Variants in SH2B3 observed in about 807,000 individuals in gnomAD.
The protein encoded by SH2B3 is SH2B adapter protein 3.
In SH2B3, 43 loss-of-function variants were observed where a neutral mutation model predicts 51.9. That is an observed-to-expected ratio of 0.83 (90% CI 0.65 to 1.07). The LOEUF is 1.07. Among genes scored for constraint, SH2B3 ranks in the 50% least tolerant of loss-of-function variants. The pLI is 0.00. For synonymous variants in SH2B3, 396 were observed against 376.0 expected (o/e 1.05, Z -0.62); for missense variants, 952 against 834.3 (o/e 1.14, Z -1.74).
chr12:111,418,096 C>T lies in SH2B3; in HGVS notation c.-27-23C>T. 3 of 1,469,810 alleles carry T rather than the reference C, an allele frequency of 2.0e-6. No individual in the cohort carries two copies. Among genetic ancestry groups the T allele is most frequent in the South Asian group, 2.8e-5 (2 of 71,622 alleles). The allele number at this position is 1,469,810 out of a possible 1,614,324, so 91.0% of individuals were successfully genotyped here. A position where few individuals can be genotyped will look rare whatever the true frequency, so the allele number is the denominator to read the frequency against. ...TGCCCACCTGCTTACTCCTTGTCGC[C>T]CCCCCACCCACGTGTCTTTCAGCCC... is the stretch of plus-strand genomic sequence containing the variant. On this transcript the variant is annotated intron_variant, in intron 1 of 7. Coordinates refer to ENST00000341259, the MANE Select transcript of SH2B3 (RefSeq NM_005475.3). This position sits in a 1 kb window ranked among gnomAD's most constrained non-coding sequence, Gnocchi z 6.7.
chr12:111,431,420 A>G (rs917496628), intron 2 of SH2B3, among the ~76,000 whole-genome samples: 1 of 151,998 alleles, frequency 6.6e-6, no homozygotes, highest in African/African-American at 2.4e-5. Context: ...GAGGGCCTCC[A>G]TGTCTGAGTT....
rs1474104674 is a variant in SH2B3 at position 111,429,183 on chromosome 12, C to T, written c.732+10306C>T. Among the ~76,000 whole-genome samples, 1 of 152,170 alleles carries T rather than the reference C, an allele frequency of 6.6e-6. No individual in the cohort carries two copies. The highest frequency in any genetic ancestry group is 1.5e-5 in the Non-Finnish European group (1 of 68,010). On this transcript the variant is annotated intron_variant, in intron 2 of 7. Transcript: ENST00000341259. The surrounding 1 kb of genome is among the most constrained non-coding windows in gnomAD (Gnocchi z 4.4). ...TGCCCTCCCTGTGCCTCAGTTTACTCAAGTAAAAATAGCTGAATGATGGCT... is the reference window on the plus strand; with the variant it reads ...TGCCCTCCCTGTGCCTCAGTTTACTTAAGTAAAAATAGCTGAATGATGGCT...
chr12:111,443,505 G>A (rs2239195), intron 2 of SH2B3: 1 of 152,200 alleles, frequency 6.6e-6, no homozygotes, highest in Non-Finnish European at 1.5e-5. Context: ...ACTGAAGCAC[G>A]TTTTATTTCG....
rs547625499 is a variant in SH2B3, at chr12:111,415,684, T to C, written c.-27-2435T>C. Among the ~76,000 whole-genome samples the C allele has an allele frequency of 1.5e-3, 223 of 150,592 alleles. 1 individual carries two copies. Among genetic ancestry groups the C allele is most frequent in the African/African-American group, 5.4e-3 (221 of 40,744 alleles). On this transcript the variant is annotated intron_variant, in intron 1 of 7. Coordinates refer to ENST00000341259, the MANE Select transcript of SH2B3 (RefSeq NM_005475.3). Reference sequence around the variant, plus strand: ...TCACCCAGGCTGGAATGCAGTGGCATGATCTCAGCTCGTTGCAACCTCTGC... The same window carrying C: ...TCACCCAGGCTGGAATGCAGTGGCACGATCTCAGCTCGTTGCAACCTCTGC...
rs955886208 is a variant in SH2B3, at chr12:111,439,530, C to T, written c.733-7223C>T. On this transcript the variant is annotated intron_variant, in intron 2 of 7. Coordinates refer to ENST00000341259, the MANE Select transcript of SH2B3 (RefSeq NM_005475.3). ...TGAACTCCTGACCTTGTGATCTGCC[C>T]GCCTCGGCCTCCCAAAGTGCTGGGA... Among the ~76,000 whole-genome samples the T allele has an allele frequency of 4.6e-5, 7 of 151,956 alleles. No homozygotes were observed. The East Asian group carries it at 5.8e-4, about 13-fold the overall frequency.
Position 111,438,790 on chromosome 12 carries a change from G to A in SH2B3, c.733-7963G>A, listed in dbSNP as rs1424689656. ...TGAGGAGATGACACTTTGAAAAGCA[G>A]TCGTATTTGTGAAGCTGTGGGGGGA... On this transcript the variant is annotated intron_variant, in intron 2 of 7. Coordinates refer to ENST00000341259, the MANE Select transcript of SH2B3 (RefSeq NM_005475.3). This position sits in a 1 kb window ranked among gnomAD's most constrained non-coding sequence, Gnocchi z 4.2. 6.6e-6 allele frequency among the ~76,000 whole-genome samples: 1 copy of A among 152,202 alleles called. No individual in the cohort carries two copies. Among genetic ancestry groups the A allele is most frequent in the Non-Finnish European group, 1.5e-5 (1 of 68,038 alleles).
rs139954835 is a variant in SH2B3 at position 111,416,696 on chromosome 12, G to A, written c.-27-1423G>A. Among the ~76,000 whole-genome samples the A allele has an allele frequency of 1.5e-3, 225 of 152,212 alleles. No homozygotes were observed. In the East Asian group the frequency reaches 0.023, roughly 15 times the overall value. ...TTTAGTAGAGATGGGGTTTCACCAC[G>A]TTGGCCAGGCTGGTCTCTAACTCCT... is the stretch of plus-strand genomic sequence containing the variant. On this transcript the variant is annotated intron_variant, in intron 1 of 7. Coordinates refer to ENST00000341259, the MANE Select transcript of SH2B3 (RefSeq NM_005475.3).
chr12:111,430,244 C>CTT (rs1872358639), intron 2 of SH2B3, among the ~76,000 whole-genome samples: 1 of 152,250 alleles, frequency 6.6e-6, no homozygotes, highest in Non-Finnish European at 1.5e-5. Flanking sequence ...ACTGCCGCCC[C>CTT]ATCTGCCCCC....
rs1262909509 is a variant in SH2B3, at chr12:111,429,388, G to C, written c.732+10511G>C. On this transcript the variant is annotated intron_variant, in intron 2 of 7. Transcript: ENST00000341259. This position sits in a 1 kb window ranked among gnomAD's most constrained non-coding sequence, Gnocchi z 4.4. ...GCTCTGTCGCCCAGGTTAGAGCAGAGTGGTGTGATTTTGGCTCACTGCAAC... is the reference window on the plus strand; with the variant it reads ...GCTCTGTCGCCCAGGTTAGAGCAGACTGGTGTGATTTTGGCTCACTGCAAC... 6.6e-6 allele frequency among the ~76,000 whole-genome samples: 1 copy of C among 152,210 alleles called. No individual in the cohort carries two copies. Among genetic ancestry groups the C allele is most frequent in the Admixed American group, 6.5e-5 (1 of 15,284 alleles).
chr12:111,440,203 C>G (rs753620496), intron 2 of SH2B3, among the ~76,000 whole-genome samples: 7 of 152,208 alleles, frequency 4.6e-5, no homozygotes, highest in Non-Finnish European at 8.8e-5. Flanking sequence ...GTTCCCTCCC[C>G]CTTGGAGGTC....
chr12:111,447,579 G>A lies in SH2B3; in HGVS notation c.1236+35G>A, dbSNP rs752783794. The A allele has an allele frequency of 3.2e-5, 52 of 1,603,428 alleles. 1 individual carries two copies. In the South Asian group the frequency reaches 5.6e-4, roughly 17 times the overall value. On this transcript the variant is annotated intron_variant, in intron 6 of 7. Coordinates refer to ENST00000341259, the MANE Select transcript of SH2B3 (RefSeq NM_005475.3). ...GGGGTGGGGTGGGGTGGGGCAGGCA[G>A]GACCGTGCCACCCCTCTCCACTGGA...
chr12:111,420,880 A>G (rs1593041597), intron 2 of SH2B3, among the ~76,000 whole-genome samples: 1 of 152,238 alleles, frequency 6.6e-6, no homozygotes, highest in Non-Finnish European at 1.5e-5. Context: ...AGAGTCATCC[A>G]AGAATCCTTT....
chr12:111,420,500 A>G (rs1430624523), intron 2 of SH2B3, among the ~76,000 whole-genome samples: 1 of 152,102 alleles, frequency 6.6e-6, no homozygotes, highest in Non-Finnish European at 1.5e-5. Context: ...TATGCATGAC[A>G]GGACCATATG....
At chr12:111,425,964 A>G (rs1343085671) in intron 2 of SH2B3, among the ~76,000 whole-genome samples, 2 of 152,222 alleles carry the variant, frequency 1.3e-5, no homozygotes, top group African/African-American at 2.4e-5. Context: ...TTATTGAATC[A>G]AAGTTTTATG....
rs1873082776 is a variant in SH2B3, at chr12:111,438,359, G to A, written c.733-8394G>A. 6.6e-6 allele frequency among the ~76,000 whole-genome samples: 1 copy of A among 152,112 alleles called. No individual in the cohort carries two copies. Among genetic ancestry groups the A allele is most frequent in the Admixed American group, 6.5e-5 (1 of 15,280 alleles). On this transcript the variant is annotated intron_variant, in intron 2 of 7. Transcript: ENST00000341259. The surrounding 1 kb of genome is among the most constrained non-coding windows in gnomAD (Gnocchi z 4.2). ...TGATGGTGCCCTTGCGGGGAGGTCA[G>A]GGGGCTGACACACCTGAGCCTGCCT... is the stretch of plus-strand genomic sequence containing the variant.
intron 2 of SH2B3, among the ~76,000 whole-genome samples, chr12:111,437,263 G>C (rs1488077651): frequency 3.3e-5 from 5 of 152,230 alleles, no homozygotes; most frequent in African/African-American, 1.2e-4. Flanking sequence ...GAAATAGGGG[G>C]ATGTTCTGGC....
chr12:111,420,391 A>AAG (rs1555224475), intron 2 of SH2B3, among the ~76,000 whole-genome samples: 1 of 148,730 alleles, frequency 6.7e-6, no homozygotes. Flanking sequence ...AAAAAAAAAA[A>AAG]GTTCTTTTCC....
At chr12:111,417,031 T>C (rs1330146401) in intron 1 of SH2B3, among the ~76,000 whole-genome samples, 1 of 152,116 alleles carries the variant, frequency 6.6e-6, no homozygotes, top group Non-Finnish European at 1.5e-5. Context: ...TGTATGTTCA[T>C]GTAAATGGGA....
rs1242162799 is a variant in SH2B3 at position 111,448,344 on chromosome 12, C to T, written c.*42C>T. 1.5e-6 allele frequency: 2 copies of T among 1,375,204 alleles called. No individual in the cohort carries two copies. Among genetic ancestry groups the T allele is most frequent in the Non-Finnish European group, 2.0e-6 (2 of 984,528 alleles). The allele number at this position is 1,375,204 out of a possible 1,614,324, so 85.2% of individuals were successfully genotyped here. A position where few individuals can be genotyped will look rare whatever the true frequency, so the allele number is the denominator to read the frequency against. ...GGCCTCAACAGCTGCCCTTGAGGAG[C>T]ACAGGCAGAAGTGTGAACTTGTGAA... On this transcript the variant is annotated 3_prime_UTR_variant, in exon 8 of 8. Transcript: ENST00000341259.
Sources: gnomAD v4.1 joint callset for allele counts (sites outside exome capture counted in the v4.1 genomes callset) on GRCh38, gnomAD v4.1.1 for gene constraint, Gnocchi (gnomAD v3.1) non-coding constraint, MANE v1.5 for transcripts, NCBI Gene and HGNC (gene_info 2026-07-23, HGNC 2026-07-21) for gene names.